Variants in GRIN2B observed in about 807,000 individuals in gnomAD.
GRIN2B encodes the protein glutamate ionotropic receptor NMDA type subunit 2B.
A neutral mutation model predicts 114.5 loss-of-function variants in GRIN2B; 5 were observed. That is an observed-to-expected ratio of 0.04 (90% confidence interval 0.02 to 0.09). The LOEUF (loss-of-function observed/expected upper bound fraction) is 0.09, where lower values mean the gene tolerates loss of function less well. GRIN2B is among the 10% of genes least tolerant of loss of function. The probability of loss-of-function intolerance (pLI) is 1.00; values close to 1 mark genes in which losing one functional copy is unlikely to be tolerated. For missense variants in GRIN2B, 1,108 were observed against 1,943.5 expected (o/e 0.57, Z 8.08); for synonymous variants, 787 against 745.1 (o/e 1.06, Z -0.92).
intron 10 of GRIN2B, among the ~76,000 whole-genome samples, chr12:13,574,139 T>C (rs1948743304): frequency 6.6e-6 from 1 of 152,210 alleles, no homozygotes; most frequent in Admixed American, 6.5e-5. Context: ...TTGCTCCACA[T>C]CACACAGTGG....
intron 10 of GRIN2B, among the ~76,000 whole-genome samples, chr12:13,600,724 C>G (rs982662584): frequency 1.3e-5 from 2 of 152,176 alleles, no homozygotes; most frequent in African/African-American, 4.8e-5. Context: ...ATACATCTCA[C>G]AGAAACATGT....
At chr12:13,593,121 C>T (rs1328188260) in intron 10 of GRIN2B, among the ~76,000 whole-genome samples, 2 of 152,152 alleles carry the variant, frequency 1.3e-5, no homozygotes, top group African/African-American at 4.8e-5. Context: ...GCCATTCTGT[C>T]CAAAGTAATT....
At chr12:13,608,528 A>C in intron 10 of GRIN2B, 75 bp downstream of exon 10, 1 of 1,049,032 alleles carries the variant, frequency 9.5e-7, no homozygotes. Context: ...GAAGACAAGC[A>C]GGTACATGAG....
chr12:13,563,710 C>T lies in GRIN2B; in HGVS notation c.3528G>A (p.Arg1176=), dbSNP rs556194434. The change falls in exon 14 of 14, where the codon AGG becomes AGA. Residue 1176 remains arginine, a synonymous_variant. Transcript: ENST00000609686. ...SVSGGGPCTN[R]SHIKHGTGDK... is the part of the protein sequence containing the mutation. ...CGCCCGTCCCGTGCTTGATGTGAGA[C>T]CTGTTGGTACAGGGCCCTCCTCCGC... The T allele has an allele frequency of 4.3e-6, 7 of 1,613,632 alleles. No individual in the cohort carries two copies. Among genetic ancestry groups the T allele is most frequent in the East Asian group, 2.2e-5 (1 of 44,870 alleles).
chr12:13,602,406 C>G lies in GRIN2B; in HGVS notation c.2010+6197G>C, dbSNP rs560228971. On this transcript the variant is annotated intron_variant, in intron 10 of 13. Coordinates refer to ENST00000609686, the MANE Select transcript of GRIN2B (RefSeq NM_000834.5). The stretch of plus-strand genomic sequence containing the variant: ...TTAGCCCAGTATTCCATGGTCTGAG[C>G]GAGATGTTCTGGGCCAGGAAAAGGG... Among the ~76,000 whole-genome samples, 49 of 152,262 alleles carry G rather than the reference C, an allele frequency of 3.2e-4. 1 individual carries two copies. The South Asian group carries it at 4.8e-3, about 15-fold the overall frequency.
At chr12:13,927,253 T>C (rs1432029168) in intron 2 of GRIN2B, among the ~76,000 whole-genome samples, 2 of 152,214 alleles carry the variant, frequency 1.3e-5, no homozygotes, top group Non-Finnish European at 2.9e-5. Context: ...ACAGGGCATC[T>C]GATTTTTCCT....
At chr12:13,586,999 T>C (rs1420435406) in intron 10 of GRIN2B, among the ~76,000 whole-genome samples, 2 of 152,244 alleles carry the variant, frequency 1.3e-5, no homozygotes, top group Non-Finnish European at 2.9e-5. Flanking sequence ...TTTTAATTAC[T>C]GCAGATCCAT....
At chr12:13,658,143 G>T (rs1242154942) in intron 5 of GRIN2B, among the ~76,000 whole-genome samples, 1 of 151,756 alleles carries the variant, frequency 6.6e-6, no homozygotes, top group Non-Finnish European at 1.5e-5. Context: ...GGAGGCTGAG[G>T]TTGCGGTGAG....
At chr12:13,644,405 G>A (rs1949744875) in intron 5 of GRIN2B, among the ~76,000 whole-genome samples, 1 of 152,126 alleles carries the variant, frequency 6.6e-6, no homozygotes, top group South Asian at 2.1e-4. Flanking sequence ...AAACAGATGT[G>A]CTCTCATCCA....
intron 2 of GRIN2B, among the ~76,000 whole-genome samples, chr12:13,967,065 A>C (rs762215944): frequency 5.3e-5 from 8 of 152,222 alleles, no homozygotes; most frequent in Middle Eastern, 3.2e-3. Flanking sequence ...GGAGCTGAGG[A>C]AGTACAAGTG....
intron 5 of GRIN2B, among the ~76,000 whole-genome samples, chr12:13,626,460 CA>C (rs1424566378): frequency 1.3e-5 from 2 of 151,988 alleles, no homozygotes; most frequent in Non-Finnish European, 2.9e-5. Flanking sequence ...CCTTTATTCT[CA>C]AATGACAGTT....
intron 2 of GRIN2B, among the ~76,000 whole-genome samples, chr12:13,931,205 T>C (rs1249862683): frequency 6.6e-6 from 1 of 152,158 alleles, no homozygotes; most frequent in East Asian, 1.9e-4. Flanking sequence ...TTGCAGAACA[T>C]CATTTACTCA....
intron 5 of GRIN2B, among the ~76,000 whole-genome samples, chr12:13,622,032 G>A (rs1287804781): frequency 6.6e-6 from 1 of 152,076 alleles, no homozygotes; most frequent in Admixed American, 6.5e-5. Flanking sequence ...GAGGGGACCA[G>A]GGCAGGGTAT....
At position 13,585,112 on chromosome 12, in the gene GRIN2B, GAGATAAAGA is replaced by G. The variant is rs142903234; in HGVS notation, c.2011-13157_2011-13149del. ...TTCAGCAGCTCATAAAATTTTGGAGGAGATAAAGAAGATAAAGAAGACTACCAAGATTTC... is the reference window on the plus strand; with the variant it reads ...TTCAGCAGCTCATAAAATTTTGGAGGAGATAAAGAAGACTACCAAGATTTC... On this transcript the variant is annotated intron_variant, in intron 10 of 13. Transcript: ENST00000609686. Among the ~76,000 whole-genome samples the G allele has an allele frequency of 2.9e-3, 442 of 152,312 alleles. 2 individuals carry two copies. Among genetic ancestry groups the G allele is most frequent in the Non-Finnish European group, 4.0e-3 (269 of 68,028 alleles).
Position 13,554,609 on chromosome 12 carries a change from T to C in GRIN2B, c.*8174A>G, listed in dbSNP as rs1323591946. On this transcript the variant is annotated 3_prime_UTR_variant, in exon 14 of 14. Coordinates refer to ENST00000609686, the MANE Select transcript of GRIN2B (RefSeq NM_000834.5). ...GCAAGTGAAGCCCACTGAAGGTTGTTTCTTGATCTGAAGAATGACATCTGA... is the reference window on the plus strand; with the variant it reads ...GCAAGTGAAGCCCACTGAAGGTTGTCTCTTGATCTGAAGAATGACATCTGA... 6.6e-6 allele frequency: 1 copy of C among 152,198 alleles called. No individual in the cohort carries two copies. Among genetic ancestry groups the C allele is most frequent in the African/African-American group, 2.4e-5 (1 of 41,452 alleles). 9.4% of individuals were successfully genotyped at this position (152,198 alleles called of 1,614,324 possible).
rs150411030 is a variant in GRIN2B at position 13,862,978 on chromosome 12, A to G, written c.411+2820T>C. Among the ~76,000 whole-genome samples the G allele has an allele frequency of 2.4e-4, 37 of 152,282 alleles. No homozygotes were observed. The East Asian group carries it at 6.9e-3, about 29-fold the overall frequency. The stretch of plus-strand genomic sequence containing the variant: ...TCTTGCTGCTTACCTTTTAGAAACT[A>G]TTCTTTCCAGGTCAAAAGTCAGATA... On this transcript the variant is annotated intron_variant, in intron 3 of 13. Coordinates refer to ENST00000609686, the MANE Select transcript of GRIN2B (RefSeq NM_000834.5).
chr12:13,605,206 T>C (rs1949222748), intron 10 of GRIN2B, among the ~76,000 whole-genome samples: 1 of 152,106 alleles, frequency 6.6e-6, no homozygotes, highest in South Asian at 2.1e-4. Context: ...CGTGTTATAA[T>C]AAAGATTTGA....
intron 5 of GRIN2B, among the ~76,000 whole-genome samples, chr12:13,618,655 A>G (rs1949476288): frequency 6.6e-6 from 1 of 152,206 alleles, no homozygotes. Context: ...CACTGTCCTC[A>G]GAATTGTGCC....
At chr12:13,814,224 G>T (rs921549019) in intron 3 of GRIN2B, among the ~76,000 whole-genome samples, 3 of 152,204 alleles carry the variant, frequency 2.0e-5, no homozygotes, top group African/African-American at 7.2e-5. Context: ...GGCTGGCAAA[G>T]GATTGCTTTC....
Sources: allele counts gnomAD v4.1 joint callset (sites outside exome capture counted in the v4.1 genomes callset), GRCh38; gene constraint gnomAD v4.1.1; transcripts MANE v1.5; gene names NCBI Gene and HGNC (gene_info 2026-07-23, HGNC 2026-07-21).